The following FOXP1 variants were observed in gnomAD, a reference collection of about 807,000 sequenced individuals.
FOXP1 encodes the protein forkhead box P1, also known as forkhead box protein P1.
In FOXP1, 15 loss-of-function variants were observed where a neutral mutation model predicts 98.2. The observed-to-expected ratio is 0.15, with a 90% CI of 0.10 to 0.24. The LOEUF (loss-of-function observed/expected upper bound fraction) is 0.24, where lower values mean the gene tolerates loss of function less well. Ranked by LOEUF, FOXP1 falls within the 10% of genes least tolerant of loss-of-function variation. FOXP1 has a pLI of 1.00. For missense variants in FOXP1, 633 were observed against 848.5 expected (o/e 0.75, Z 3.15); for synonymous variants, 371 against 314.5 (o/e 1.18, Z -1.90).
Position 71,052,542 on chromosome 3 carries a change from T to C in FOXP1, c.505A>G (p.Lys169Glu), listed in dbSNP as rs1220590443. 1 of 1,248,980 alleles carries C rather than the reference T, an allele frequency of 8.0e-7. No homozygotes were observed. Among genetic ancestry groups the C allele is most frequent in the Non-Finnish European group, 1.2e-6 (1 of 846,144 alleles). 77.4% of individuals were successfully genotyped at this position (1,248,980 alleles called of 1,614,324 possible). A position where few individuals can be genotyped will look rare whatever the true frequency, so the allele number is the denominator to read the frequency against. Residue 169 changes from lysine to glutamate, a missense_variant, in exon 9 of 21, where the codon AAA becomes GAA. Transcript: ENST00000649528. ...LQQQHAGKQP[K>E]EQQQVATQQL... The stretch of plus-strand genomic sequence containing the variant: ...AAAATATGTATTGTCGGTACCTCTT[T>C]AGGCTGTTTTCCAGCATGTTGTTGT...
intron 3 of FOXP1, among the ~76,000 whole-genome samples, chr3:71,406,598 C>T (rs971383020): frequency 1.3e-5 from 2 of 151,560 alleles, no homozygotes; most frequent in East Asian, 1.9e-4. Context: ...CCACTGGGTT[C>T]GCCGAGATAC....
At chr3:71,361,314 G>C (rs2078549278) in intron 3 of FOXP1, among the ~76,000 whole-genome samples, 1 of 151,992 alleles carries the variant, frequency 6.6e-6, no homozygotes, top group Admixed American at 6.6e-5. Context: ...CTGCCTTTTA[G>C]ATTCTACATT....
chr3:71,338,409 G>A (rs145063874), intron 4 of FOXP1, among the ~76,000 whole-genome samples: 3 of 152,294 alleles, frequency 2.0e-5, no homozygotes, highest in African/African-American at 7.2e-5. Flanking sequence ...ACTACAAAAT[G>A]CCTTTCCAAC....
intron 18 of FOXP1, chr3:70,971,404 A>T (rs1302143348): frequency 6.4e-6 from 1 of 155,920 alleles, no homozygotes; most frequent in Non-Finnish European, 1.4e-5. Flanking sequence ...TGCCATCTCC[A>T]TTCACGGACC....
chr3:71,521,526 CAA>C (rs55687293), intron 2 of FOXP1, among the ~76,000 whole-genome samples: 1 of 60,564 alleles, frequency 1.7e-5, no homozygotes. Context: ...GACCCTGTCT[CAA>C]AAAAAAAAGG....
chr3:71,129,269 C>T (rs79461800), intron 6 of FOXP1, among the ~76,000 whole-genome samples: 1,750 of 152,236 alleles, frequency 0.011, 47 homozygotes, highest in African/African-American at 0.04. Context: ...TTAAGGCAGT[C>T]GCAAACATCT....
At chr3:71,406,405 G>GTATGTGTATATATATATATATA (rs2082336447) in intron 3 of FOXP1, among the ~76,000 whole-genome samples, 2 of 105,948 alleles carry the variant, frequency 1.9e-5, no homozygotes, top group Non-Finnish European at 4.4e-5. Context: ...AACTGTATGT[G>GTATGTGTATATATATATATATA]TATATATATA....
chr3:71,091,130 T>TGTGTGTGTGTGTAC (rs1233725557), intron 7 of FOXP1, among the ~76,000 whole-genome samples: 1 of 7,150 alleles, frequency 1.4e-4, no homozygotes, highest in African/African-American at 2.9e-4. Flanking sequence ...TGTGTGTGTG[T>TGTGTGTGTGTGTAC]GTATTCTTAA....
At position 71,313,050 on chromosome 3, in the gene FOXP1, TTTAA is replaced by T. The variant is rs1176980780; in HGVS notation, c.-72-13174_-72-13171del. On this transcript the variant is annotated intron_variant, in intron 4 of 20. Coordinates refer to ENST00000649528, the MANE Select transcript of FOXP1 (RefSeq NM_001349338.3). ...TACAATTGCACAATCACAATGAAAC[TTTAA>T]TTCTTTTTTTTTTTTTTTTTTTTGA... 2.6e-3 allele frequency among the ~76,000 whole-genome samples: 377 copies of T among 145,526 alleles called. 4 individuals are homozygous for T. Among genetic ancestry groups the T allele is most frequent in the Middle Eastern group, 0.025 (7 of 280 alleles).
chr3:71,565,960 G>C lies in FOXP1; in HGVS notation c.-298+15589C>G, dbSNP rs148362104. Among the ~76,000 whole-genome samples, 737 of 152,302 alleles carry C rather than the reference G, an allele frequency of 4.8e-3. 5 individuals are homozygous for C. Among genetic ancestry groups the C allele is most frequent in the Non-Finnish European group, 8.3e-3 (563 of 68,016 alleles). On this transcript the variant is annotated intron_variant, in intron 2 of 20. Coordinates refer to ENST00000649528, the MANE Select transcript of FOXP1 (RefSeq NM_001349338.3). Reference sequence around the variant, plus strand: ...AAATGAGATATAAATAAATCAACGAGTGAATCAGTCAATAAATGAACACAG... The same window carrying C: ...AAATGAGATATAAATAAATCAACGACTGAATCAGTCAATAAATGAACACAG...
intron 9 of FOXP1, among the ~76,000 whole-genome samples, chr3:71,051,566 G>C (rs776658813): frequency 2.6e-5 from 4 of 152,226 alleles, no homozygotes; most frequent in Non-Finnish European, 4.4e-5. Flanking sequence ...CACCTGCTTA[G>C]GGCTGGTGAA....
intron 6 of FOXP1, among the ~76,000 whole-genome samples, chr3:71,184,981 T>A (rs2062560271): frequency 6.6e-6 from 1 of 152,008 alleles, no homozygotes; most frequent in African/African-American, 2.4e-5. Flanking sequence ...TCACCTGAGG[T>A]CAGGAGTTCC....
chr3:71,079,689 C>T (rs888988347), intron 7 of FOXP1, among the ~76,000 whole-genome samples: 5 of 152,170 alleles, frequency 3.3e-5, no homozygotes, highest in Admixed American at 3.3e-4. Flanking sequence ...CTCCAGGTGT[C>T]GGGTTATTCC....
At chr3:71,534,451 C>T (rs1008736369) in intron 2 of FOXP1, among the ~76,000 whole-genome samples, 11 of 151,940 alleles carry the variant, frequency 7.2e-5, no homozygotes, top group African/African-American at 2.2e-4. Context: ...TGCATGTGGT[C>T]GAAAAAAAAT....
chr3:71,381,707 G>C (rs1256690628), intron 3 of FOXP1, among the ~76,000 whole-genome samples: 1 of 152,138 alleles, frequency 6.6e-6, no homozygotes, highest in East Asian at 1.9e-4. Context: ...GTCTCCCAAA[G>C]TGCGGGACTT....
intron 6 of FOXP1, among the ~76,000 whole-genome samples, chr3:71,137,168 C>T (rs760873269): frequency 2.0e-5 from 3 of 152,164 alleles, no homozygotes; most frequent in Non-Finnish European, 2.9e-5. Flanking sequence ...CTTTTCCTTC[C>T]AGGGTGTTAG....
At chr3:71,118,825 TATTTGAATACAGTTAA>T (rs1386425164) in intron 6 of FOXP1, among the ~76,000 whole-genome samples, 2 of 152,256 alleles carry the variant, frequency 1.3e-5, no homozygotes, top group East Asian at 3.8e-4. Context: ...AATAAAATTT[TATTTGAATACAGTTAA>T]GCTCATTCCC....
At chr3:71,431,371 G>A (rs1038031835) in intron 3 of FOXP1, among the ~76,000 whole-genome samples, 2 of 152,242 alleles carry the variant, frequency 1.3e-5, no homozygotes, top group South Asian at 4.1e-4. Context: ...TTTTCTCAGC[G>A]ACTTAACTTT....
intron 7 of FOXP1, among the ~76,000 whole-genome samples, chr3:71,107,235 A>AG (rs1177097791): frequency 3.3e-5 from 5 of 152,208 alleles, no homozygotes; most frequent in Non-Finnish European, 5.9e-5. Context: ...TTTGGAGGCA[A>AG]GGACAAAACA....
Sources: gnomAD v4.1 joint callset for allele counts (sites outside exome capture counted in the v4.1 genomes callset) on GRCh38, gnomAD v4.1.1 for gene constraint, MANE v1.5 for transcripts, NCBI Gene and HGNC (gene_info 2026-07-23, HGNC 2026-07-21) for gene names.